PAGE2B: variants seen among roughly 807,000 people sequenced by gnomAD.
The protein encoded by PAGE2B is PAGE family member 2B.
A neutral mutation model predicts 7.6 loss-of-function variants in PAGE2B; 5 were observed. The observed-to-expected ratio is 0.66, with a 90% CI of 0.34 to 1.38. The LOEUF (loss-of-function observed/expected upper bound fraction) is 1.38, where lower values mean the gene tolerates loss of function less well. Ranked by LOEUF, PAGE2B falls within the 40% of genes most tolerant of loss-of-function variation. PAGE2B has a pLI of 0.04. For synonymous variants in PAGE2B, 29 were observed against 26.7 expected (o/e 1.09, Z -0.27); for missense variants, 70 against 78.4 (o/e 0.89, Z 0.41).
At chrX:55,059,965 G>A in the PAGE2B span, among the ~76,000 whole-genome samples, 67 of 111,145 alleles carry the variant, frequency 6.0e-4, no homozygotes, top group African/African-American at 1.9e-3. Context: ...CCTTCTTAAA[G>A]CTGAATAGTA....
chrX:55,072,108 T>C (rs1252065821), upstream of PAGE2B, among the ~76,000 whole-genome samples: 1 of 111,118 alleles, frequency 9.0e-6, no homozygotes, highest in African/African-American at 3.3e-5. Context: ...TGGAGAGGAG[T>C]TGCAATCATT....
the PAGE2B span, among the ~76,000 whole-genome samples, chrX:55,062,082 T>C: frequency 8.9e-6 from 1 of 111,840 alleles, no homozygotes; most frequent in African/African-American, 3.2e-5. Context: ...CTCTTCGTTA[T>C]CCTGATTTTC....
the PAGE2B span, among the ~76,000 whole-genome samples, chrX:55,047,379 C>A: frequency 9.0e-6 from 1 of 111,610 alleles, no homozygotes; most frequent in Non-Finnish European, 1.9e-5. Flanking sequence ...AATAAACATA[C>A]GTGTGCATGT....
the PAGE2B span, among the ~76,000 whole-genome samples, chrX:55,062,585 C>A: frequency 9.0e-6 from 1 of 111,491 alleles, no homozygotes; most frequent in Non-Finnish European, 1.9e-5. Flanking sequence ...CTTTGCTGTG[C>A]AGAAGCTTTT....
At chrX:55,075,366 G>A (rs1936496270) in intron 1 of PAGE2B, among the ~76,000 whole-genome samples, 1 of 111,191 alleles carries the variant, frequency 9.0e-6, no homozygotes, top group African/African-American at 3.3e-5. Context: ...GCGAGTGCTG[G>A]GGGTGCTGTT....
At chrX:55,073,792 A>G (rs1308281304), upstream of PAGE2B, among the ~76,000 whole-genome samples, 15 of 111,493 alleles carry the variant, frequency 1.3e-4, no homozygotes, top group Admixed American at 8.6e-4. Context: ...TTTTGTGGCA[A>G]TTGTGAATGG....
the PAGE2B span, among the ~76,000 whole-genome samples, chrX:55,046,447 G>A: frequency 8.9e-6 from 1 of 111,773 alleles, no homozygotes; most frequent in South Asian, 3.7e-4. Context: ...GCAAGAGTTA[G>A]TAAGCTAGAC....
At chrX:55,041,078 C>CTT in the PAGE2B span, among the ~76,000 whole-genome samples, 160 of 82,065 alleles carry the variant, frequency 1.9e-3, no homozygotes, top group Non-Finnish European at 2.4e-3. Flanking sequence ...TTCAATAATT[C>CTT]TTTTTTTTTT....
At chrX:55,067,907 C>A in the PAGE2B span, among the ~76,000 whole-genome samples, 1 of 111,474 alleles carries the variant, frequency 9.0e-6, no homozygotes, top group East Asian at 2.8e-4. Flanking sequence ...TTGTTTGTTT[C>A]TTTTTTCCTT....
chrX:55,042,687 A>AG, the PAGE2B span, among the ~76,000 whole-genome samples: 1 of 88,208 alleles, frequency 1.1e-5, no homozygotes, highest in South Asian at 5.5e-4. Flanking sequence ...AAAAAAAAAA[A>AG]GAAATCATAG....
chrX:55,051,205 T>A, the PAGE2B span, among the ~76,000 whole-genome samples: 2 of 111,826 alleles, frequency 1.8e-5, no homozygotes, highest in Non-Finnish European at 3.8e-5. Context: ...CTTCCCTTTG[T>A]GGGTCACCCG....
the PAGE2B span, among the ~76,000 whole-genome samples, chrX:55,031,562 A>AAAG: frequency 1.8e-5 from 2 of 112,007 alleles, no homozygotes; most frequent in Admixed American, 9.4e-5. Context: ...AAGGACCTTA[A>AAAG]AAGATAGGTA....
At chrX:55,075,334 G>C (rs1467863706) in intron 1 of PAGE2B, among the ~76,000 whole-genome samples, 1 of 111,720 alleles carries the variant, frequency 9.0e-6, no homozygotes, top group Non-Finnish European at 1.9e-5. Flanking sequence ...GCCACAGAGG[G>C]GAGGGATCGC....
chrX:55,048,509 G>A, the PAGE2B span, among the ~76,000 whole-genome samples: 1 of 111,532 alleles, frequency 9.0e-6, no homozygotes, highest in South Asian at 3.8e-4. Context: ...TCTCTTTGAA[G>A]AAGTCCTTCA....
At chrX:55,060,233 G>A in the PAGE2B span, among the ~76,000 whole-genome samples, 3 of 111,386 alleles carry the variant, frequency 2.7e-5, no homozygotes, top group South Asian at 1.1e-3. Context: ...CATAATAGCT[G>A]AACTGGTTTA....
chrX:55,071,522 G>C (rs984020006), upstream of PAGE2B, among the ~76,000 whole-genome samples: 2 of 111,349 alleles, frequency 1.8e-5, no homozygotes, highest in African/African-American at 6.5e-5. Flanking sequence ...TGACCATTGT[G>C]TGTCTTGGAG....
upstream of PAGE2B, among the ~76,000 whole-genome samples, chrX:55,072,550 G>A (rs781725397): frequency 1.4e-3 from 156 of 112,626 alleles, no homozygotes; most frequent in African/African-American, 4.7e-3. Flanking sequence ...CACTTGAGGA[G>A]GCAGTCTGTC....
At chrX:55,075,911 G>C (rs1245343240) in intron 1 of PAGE2B, 123 bp from the exon 2 acceptor site, 2 of 714,753 alleles carry the variant, frequency 2.8e-6, no homozygotes, top group South Asian at 3.2e-5. Context: ...TCAATGCTCT[G>C]TGAATTACGT....
chrX:55,070,076 T>C (rs1936435472), upstream of PAGE2B, among the ~76,000 whole-genome samples: 1 of 111,692 alleles, frequency 9.0e-6, no homozygotes, highest in Non-Finnish European at 1.9e-5. Context: ...TGTCTTCTGC[T>C]AGCTTTTGAA....
Sources: allele counts gnomAD v4.1 joint callset (sites outside exome capture counted in the v4.1 genomes callset), GRCh38; gene constraint gnomAD v4.1.1; transcripts MANE v1.5; gene names NCBI Gene and HGNC (gene_info 2026-07-23, HGNC 2026-07-21).